Variants in C6orf52 observed in about 807,000 individuals in gnomAD.
C6orf52 encodes the protein putative uncharacterized protein C6orf52.
C6orf52 carries 16 observed loss-of-function variants against 16.6 expected under a neutral mutation model. The observed-to-expected ratio is 0.96, with a 90% CI of 0.65 to 1.46. C6orf52 has a LOEUF of 1.46. C6orf52 is among the 40% of genes most tolerant of loss of function. The pLI, the probability that C6orf52 is intolerant of heterozygous loss-of-function variation, is 0.00. For missense variants in C6orf52, 166 were observed against 182.3 expected, an observed-to-expected ratio of 0.91 and a Z score of 0.52; for synonymous variants, 53 against 61.4, an observed-to-expected ratio of 0.86 and a Z score of 0.64.
chr6:10,688,970 C>T (rs1336449177), intron 1 of C6orf52, among the ~76,000 whole-genome samples: 1 of 152,134 alleles, frequency 6.6e-6, no homozygotes, highest in African/African-American at 2.4e-5. Context: ...TGGCACCACG[C>T]CTGGCTAATG....
intron 3 of C6orf52, 93 bp downstream of exon 3, chr6:10,686,873 G>A: frequency 2.2e-6 from 2 of 922,078 alleles, no homozygotes; most frequent in Non-Finnish European, 3.2e-6. Flanking sequence ...GTGGGAATTT[G>A]GATGACAGGA....
At chr6:10,678,629 T>G (rs1266401385) in intron 4 of C6orf52, among the ~76,000 whole-genome samples, 1 of 152,204 alleles carries the variant, frequency 6.6e-6, no homozygotes, top group Non-Finnish European at 1.5e-5. Context: ...ATGAATTTTT[T>G]GTTTCCCAGT....
chr6:10,691,398 C>CG (rs1554148293), intron 1 of C6orf52, among the ~76,000 whole-genome samples: 1 of 151,874 alleles, frequency 6.6e-6, no homozygotes, highest in Non-Finnish European at 1.5e-5. Context: ...ACTGAGCAAG[C>CG]GGGGGTACAT....
At chr6:10,682,542 G>T (rs1428124245) in intron 4 of C6orf52, among the ~76,000 whole-genome samples, 2 of 152,144 alleles carry the variant, frequency 1.3e-5, no homozygotes, top group African/African-American at 4.8e-5. Context: ...GGTTTGTCTG[G>T]TAGGGGCAGG....
chr6:10,672,799 C>T (rs1177292707), intron 4 of C6orf52, among the ~76,000 whole-genome samples: 1 of 152,302 alleles, frequency 6.6e-6, no homozygotes, highest in East Asian at 1.9e-4. Flanking sequence ...TATCCAGACC[C>T]TGGATATTGG....
chr6:10,675,854 G>A (rs560717458), intron 4 of C6orf52, among the ~76,000 whole-genome samples: 1 of 152,170 alleles, frequency 6.6e-6, no homozygotes, highest in African/African-American at 2.4e-5. Flanking sequence ...AAAAATGGCC[G>A]GGCACGGTGG....
At chr6:10,687,416 AAC>A in intron 2 of C6orf52, 62 bp downstream of exon 2, 1 of 1,231,768 alleles carries the variant, frequency 8.1e-7, no homozygotes, top group East Asian at 2.5e-5. Context: ...GTAAGTTACC[AAC>A]AGTTATGTAG....
At chr6:10,687,363 G>A (rs1301210827) in intron 2 of C6orf52, 117 bp downstream of exon 2, 8 of 866,380 alleles carry the variant, frequency 9.2e-6, no homozygotes, top group Admixed American at 7.9e-5. Flanking sequence ...TGCACGTTCT[G>A]CACATGTACC....
rs57435593 is a variant in C6orf52 at position 10,694,260 on chromosome 6, C to CAAAAAAAAAAA, written c.-12+223_-12+233dup. Among the ~76,000 whole-genome samples, 97 of 62,452 alleles carry CAAAAAAAAAAA rather than the reference C, an allele frequency of 1.6e-3. 3 individuals carry two copies. The highest frequency in any genetic ancestry group is 5.2e-3 in the African/African-American group (94 of 18,058). The allele number at this position is 62,452 out of a possible 152,430, so 41.0% of individuals were successfully genotyped here. A position where few individuals can be genotyped will look rare whatever the true frequency, so the allele number is the denominator to read the frequency against. On this transcript the variant is annotated intron_variant, in intron 1 of 4. Coordinates refer to ENST00000259983, the MANE Select transcript of C6orf52 (RefSeq NM_001145020.3). ...GGGCAAAAAGAGCGAAACTCCGTCT[C>CAAAAAAAAAAA]AAAAAAAAAAAAAAAAAAATGAAGG...
chr6:10,677,511 T>C (rs1768000459), intron 4 of C6orf52, among the ~76,000 whole-genome samples: 1 of 151,764 alleles, frequency 6.6e-6, no homozygotes, highest in Admixed American at 6.6e-5. Flanking sequence ...TGTGATTCCA[T>C]ACAAATTATA....
At chr6:10,671,777 AT>A (rs1385737589) in intron 4 of C6orf52, among the ~76,000 whole-genome samples, 179 bp from the exon 5 acceptor site, 2 of 152,228 alleles carry the variant, frequency 1.3e-5, no homozygotes, top group South Asian at 2.1e-4. Context: ...AATTTAAGCT[AT>A]AAAAGTAGTA....
intron 1 of C6orf52, among the ~76,000 whole-genome samples, chr6:10,691,928 C>T (rs1369140943): frequency 6.6e-6 from 1 of 151,982 alleles, no homozygotes; most frequent in African/African-American, 2.4e-5. Context: ...TTCTAAAATT[C>T]CTGGTTGGAA....
At chr6:10,677,809 C>T (rs1768027659) in intron 4 of C6orf52, among the ~76,000 whole-genome samples, 2 of 151,858 alleles carry the variant, frequency 1.3e-5, no homozygotes, top group African/African-American at 4.8e-5. Flanking sequence ...GCCAGGATTA[C>T]AGGCATGAGA....
chr6:10,694,034 C>A (rs1287631153), intron 1 of C6orf52, among the ~76,000 whole-genome samples: 1 of 152,072 alleles, frequency 6.6e-6, no homozygotes, highest in Non-Finnish European at 1.5e-5. Flanking sequence ...TCGAGGCAAG[C>A]GGATCACCTG....
chr6:10,694,591 AGCCC>A lies in C6orf52; in HGVS notation c.-113_-110del. 5 of 180,130 alleles carry A rather than the reference AGCCC, an allele frequency of 2.8e-5. No individual in the cohort carries two copies. The highest frequency in any genetic ancestry group is 9.4e-5 in the South Asian group (1 of 10,586). The allele number at this position is 180,130 out of a possible 1,614,324, so 11.2% of individuals were successfully genotyped here. A position where few individuals can be genotyped will look rare whatever the true frequency, so the allele number is the denominator to read the frequency against. ...CAACAATGCACGCTGCCGGCGCTAC[AGCCC>A]CTAAGCAACCGGCCGGAAGTCGGCC... On this transcript the variant is annotated 5_prime_UTR_variant, in exon 1 of 5. Coordinates refer to ENST00000259983, the MANE Select transcript of C6orf52 (RefSeq NM_001145020.3).
chr6:10,692,273 T>C (rs1432897688), intron 1 of C6orf52, among the ~76,000 whole-genome samples: 1 of 152,236 alleles, frequency 6.6e-6, no homozygotes, highest in African/African-American at 2.4e-5. Flanking sequence ...ACTTACAATG[T>C]CCTGCTTACT....
chr6:10,676,378 G>A (rs1371484675), intron 4 of C6orf52, among the ~76,000 whole-genome samples: 9 of 152,122 alleles, frequency 5.9e-5, no homozygotes, highest in Non-Finnish European at 1.3e-4. Context: ...TTCATGAACA[G>A]CTGCCCCCAA....
At chr6:10,672,769 G>C in intron 4 of C6orf52, 1 of 525,294 alleles carries the variant, frequency 1.9e-6, no homozygotes, top group Non-Finnish European at 3.4e-6. Context: ...CAAGAAGAGA[G>C]CCCTCGCCAG....
intron 1 of C6orf52, 115 bp from the exon 2 acceptor site, chr6:10,687,676 C>T (rs927565274): frequency 5.0e-5 from 34 of 683,386 alleles, no homozygotes; most frequent in Non-Finnish European, 8.1e-5. Flanking sequence ...GAGATAATTA[C>T]ATTTAGTGGC....
Sources: allele counts gnomAD v4.1 joint callset (sites outside exome capture counted in the v4.1 genomes callset), GRCh38; gene constraint gnomAD v4.1.1; transcripts MANE v1.5; gene names NCBI Gene and HGNC (gene_info 2026-07-23, HGNC 2026-07-21).